NCOA2: variants seen among roughly 807,000 people sequenced by gnomAD.
NCOA2 encodes nuclear receptor coactivator 2.
A neutral mutation model predicts 145.1 loss-of-function variants in NCOA2; 21 were observed. That is an observed-to-expected ratio of 0.14 (90% CI 0.10 to 0.21). The LOEUF (loss-of-function observed/expected upper bound fraction) is 0.21. Among genes scored for constraint, NCOA2 ranks in the 10% least tolerant of loss-of-function variants. The probability of loss-of-function intolerance (pLI) is 1.00; values close to 1 mark genes in which losing one functional copy is unlikely to be tolerated. For synonymous variants in NCOA2, 619 were observed against 637.5 expected (o/e 0.97, Z 0.44); for missense variants, 1,472 against 1,837.6 (o/e 0.80, Z 3.64).
intron 1 of NCOA2, among the ~76,000 whole-genome samples, chr8:70,302,807 C>T (rs1827610736): frequency 6.6e-6 from 1 of 151,980 alleles, no homozygotes. Flanking sequence ...AATTTTCATC[C>T]TCACTAAATG....
intron 1 of NCOA2, among the ~76,000 whole-genome samples, chr8:70,353,418 C>T (rs1051963496): frequency 9.4e-5 from 14 of 149,138 alleles, no homozygotes; most frequent in African/African-American, 3.5e-4. Context: ...CCTGGCCAAA[C>T]ATTATGTTTA....
intron 21 of NCOA2, among the ~76,000 whole-genome samples, chr8:70,122,542 C>A (rs2131364607): frequency 6.6e-6 from 1 of 152,246 alleles, no homozygotes; most frequent in South Asian, 2.1e-4. Context: ...TAGGCACAAG[C>A]CAACATGCCA....
chr8:70,292,242 T>A (rs1826750449), intron 2 of NCOA2, among the ~76,000 whole-genome samples: 1 of 149,972 alleles, frequency 6.7e-6, no homozygotes, highest in Non-Finnish European at 1.5e-5. Flanking sequence ...AACCTCCACC[T>A]CCTGGGTTCA....
chr8:70,335,890 G>T lies in NCOA2; in HGVS notation c.-76-39090C>A, dbSNP rs573897824. Among the ~76,000 whole-genome samples the T allele has an allele frequency of 2.0e-5, 3 of 152,146 alleles. No individual in the cohort carries two copies. The South Asian group carries it at 6.2e-4, about 32-fold the overall frequency. Reference sequence around the variant, plus strand: ...AGTATGCCATTGTACCGAATACTGTGGGCAACTGCAACAGAGTGGCAAGCA... The same window carrying T: ...AGTATGCCATTGTACCGAATACTGTTGGCAACTGCAACAGAGTGGCAAGCA... On this transcript the variant is annotated intron_variant, in intron 1 of 22. Coordinates refer to ENST00000452400, the MANE Select transcript of NCOA2 (RefSeq NM_006540.4).
the NCOA2 span, among the ~76,000 whole-genome samples, chr8:70,448,952 G>A: frequency 2.0e-5 from 3 of 151,822 alleles, no homozygotes; most frequent in Non-Finnish European, 4.4e-5. Context: ...CACAGGTGCC[G>A]CACCACCATG....
chr8:70,377,005 T>C (rs1043919190), intron 1 of NCOA2, among the ~76,000 whole-genome samples: 1 of 152,092 alleles, frequency 6.6e-6, no homozygotes, highest in South Asian at 2.1e-4. Flanking sequence ...AAAATATATA[T>C]TGATTTTCCA....
At position 70,206,666 on chromosome 8, in the gene NCOA2, C is replaced by T. The variant is rs546595712; in HGVS notation, c.259+7237G>A. Among the ~76,000 whole-genome samples, 88 of 152,166 alleles carry T rather than the reference C, an allele frequency of 5.8e-4. 1 individual carries two copies. In the South Asian group the frequency reaches 0.018, roughly 31 times the overall value. Reference sequence around the variant, plus strand: ...ATTTAATGTTACCCTCTCCAAATTCCAATATTGCTTACTGTACTGGGCTTA... The same window carrying T: ...ATTTAATGTTACCCTCTCCAAATTCTAATATTGCTTACTGTACTGGGCTTA... On this transcript the variant is annotated intron_variant, in intron 4 of 22. Transcript: ENST00000452400.
intron 15 of NCOA2, among the ~76,000 whole-genome samples, chr8:70,132,305 A>G (rs1411193649): frequency 2.0e-5 from 3 of 152,328 alleles, no homozygotes; most frequent in East Asian, 1.9e-4. Flanking sequence ...GTGTGAGTCC[A>G]GGGCTCACCA....
intron 2 of NCOA2, among the ~76,000 whole-genome samples, chr8:70,251,928 AC>A (rs1209927348): frequency 1.3e-5 from 2 of 152,066 alleles, no homozygotes; most frequent in Non-Finnish European, 2.9e-5. Flanking sequence ...TGGTTCCAGG[AC>A]CTCCCATGGA....
Position 70,128,554 on chromosome 8 carries a change from AC to A in NCOA2, c.3604-45del, listed in dbSNP as rs1215674695. On this transcript the variant is annotated intron_variant, in intron 17 of 22. Transcript: ENST00000452400. The stretch of plus-strand genomic sequence containing the variant: ...GATGAATACATTTTAAGAACAGAAT[AC>A]ATTTTACTTTAAATCAAGTTTCCCA... 6 of 1,598,118 alleles carry A rather than the reference AC, an allele frequency of 3.8e-6. No homozygotes were observed. In the African/African-American group the frequency reaches 8.0e-5, roughly 21 times the overall value.
chr8:70,216,646 A>G lies in NCOA2; in HGVS notation c.86+14T>C, dbSNP rs757190131. ...ACAGACAATACTGATTCCTTTTCTCAGCAAGAATCTAACCTGGGTCCAAGT... is the reference window on the plus strand; with the variant it reads ...ACAGACAATACTGATTCCTTTTCTCGGCAAGAATCTAACCTGGGTCCAAGT... On this transcript the variant is annotated intron_variant, in intron 3 of 22. Transcript: ENST00000452400. 6.3e-7 allele frequency: 1 copy of G among 1,595,562 alleles called. No homozygotes were observed. Among genetic ancestry groups the G allele is most frequent in the African/African-American group, 1.3e-5 (1 of 74,582 alleles).
intron 3 of NCOA2, among the ~76,000 whole-genome samples, chr8:70,214,383 G>A (rs891873758): frequency 1.3e-5 from 2 of 152,082 alleles, no homozygotes; most frequent in African/African-American, 4.8e-5. Flanking sequence ...AAACAAGTGG[G>A]CACCAAATTA....
chr8:70,342,889 T>C (rs1267269089), intron 1 of NCOA2, among the ~76,000 whole-genome samples: 1 of 151,330 alleles, frequency 6.6e-6, no homozygotes, highest in Non-Finnish European at 1.5e-5. Flanking sequence ...TTATGTAAGG[T>C]AGATTCCAAA....
chr8:70,368,122 A>G (rs1810884704), intron 1 of NCOA2, among the ~76,000 whole-genome samples: 1 of 152,254 alleles, frequency 6.6e-6, no homozygotes, highest in Admixed American at 6.5e-5. Flanking sequence ...TTTATACTCA[A>G]AGCTGCAACA....
At chr8:70,148,226 G>T in intron 12 of NCOA2, 47 bp downstream of exon 12, 1 of 1,565,750 alleles carries the variant, frequency 6.4e-7, no homozygotes, top group South Asian at 1.1e-5. Context: ...TTCTGATAGT[G>T]ATTATATGGA....
At position 70,403,714 on chromosome 8, in the gene NCOA2, C is replaced by T. The variant is rs984361487; in HGVS notation, c.-91G>A. ...GGCGCGGTTACCGGCTCGGGTCGGT[C>T]ACGCCGTCAGGTGCCGGCTGCCGTC... On this transcript the variant is annotated 5_prime_UTR_variant, in exon 1 of 23. It removes the in-frame stop codon of an upstream open reading frame in the 5' UTR. Coordinates refer to ENST00000452400, the MANE Select transcript of NCOA2 (RefSeq NM_006540.4). 21 of 396,174 alleles carry T rather than the reference C, an allele frequency of 5.3e-5. No homozygotes were observed. The highest frequency in any genetic ancestry group is 8.8e-5 in the Admixed American group (2 of 22,612). 24.5% of individuals were successfully genotyped at this position (396,174 alleles called of 1,614,324 possible). A position where few individuals can be genotyped will look rare whatever the true frequency, so the allele number is the denominator to read the frequency against.
intron 1 of NCOA2, among the ~76,000 whole-genome samples, chr8:70,323,429 G>A (rs1293964379): frequency 7.9e-5 from 12 of 152,084 alleles, no homozygotes; most frequent in Admixed American, 7.2e-4. Context: ...GAAAGCACAC[G>A]AACACAGGAT....
chr8:70,144,958 G>C (rs1242474642), intron 12 of NCOA2, 110 bp from the exon 13 acceptor site: 2 of 918,212 alleles, frequency 2.2e-6, no homozygotes, highest in Non-Finnish European at 3.4e-6. Flanking sequence ...ATGTATGTCA[G>C]GGACCAACTA....
intron 1 of NCOA2, among the ~76,000 whole-genome samples, chr8:70,328,063 C>T (rs1806751887): frequency 6.6e-6 from 1 of 152,174 alleles, no homozygotes; most frequent in African/African-American, 2.4e-5. Context: ...ACTGGTATGG[C>T]AAGTTACACA....
Sources: gnomAD v4.1 joint callset for allele counts (sites outside exome capture counted in the v4.1 genomes callset) on GRCh38, gnomAD v4.1.1 for gene constraint, MANE v1.5 for transcripts, NCBI Gene and HGNC (gene_info 2026-07-23, HGNC 2026-07-21) for gene names.